The following DPF3 variants were observed in gnomAD, a reference collection of about 807,000 sequenced individuals.
The protein encoded by DPF3 is double PHD fingers 3, also known as zinc finger protein DPF3.
A neutral mutation model predicts 56.8 loss-of-function variants in DPF3; 18 were observed. The ratio of observed to expected loss-of-function variants is 0.32; its 90% CI spans 0.22 to 0.47. The LOEUF (loss-of-function observed/expected upper bound fraction) is 0.47, where lower values mean the gene tolerates loss of function less well. Among genes scored for constraint, DPF3 ranks in the 20% least tolerant of loss-of-function variants. DPF3 has a pLI of 1.00. For missense variants in DPF3, 403 were observed against 488.8 expected, an observed-to-expected ratio of 0.82 and a Z score of 1.65; for synonymous variants, 188 against 180.2, an observed-to-expected ratio of 1.04 and a Z score of -0.35.
At chr14:72,812,858 G>A (rs1883118256) in intron 1 of DPF3, among the ~76,000 whole-genome samples, 1 of 152,216 alleles carries the variant, frequency 6.6e-6, no homozygotes, top group Non-Finnish European at 1.5e-5. Flanking sequence ...AACGCCCAGA[G>A]GCTGGCGGGT....
At chr14:72,784,769 C>T (rs1196446111) in intron 1 of DPF3, among the ~76,000 whole-genome samples, 1 of 151,620 alleles carries the variant, frequency 6.6e-6, no homozygotes, top group East Asian at 1.9e-4. Flanking sequence ...GCACCCTGGC[C>T]AACTTGGTGA....
At chr14:72,848,366 T>C (rs113281764) in intron 1 of DPF3, among the ~76,000 whole-genome samples, 11,411 of 152,212 alleles carry the variant, frequency 0.075, 642 homozygotes, top group South Asian at 0.18. Flanking sequence ...GGTTTCACTA[T>C]GTTGCCCAGG....
At position 72,624,634 on chromosome 14, in the gene DPF3, C is replaced by T. The variant is rs942804528; in HGVS notation, c.985-4650G>A. Among the ~76,000 whole-genome samples, 8 of 152,206 alleles carry T rather than the reference C, an allele frequency of 5.3e-5. No homozygotes were observed. The East Asian group carries it at 9.6e-4, about 18-fold the overall frequency. On this transcript the variant is annotated intron_variant, in intron 9 of 10. Transcript: ENST00000556509. ...GATTACAGGCGTGAGCCACCACGCC[C>T]GGCCCCCAACCTATGTCTCTTTACC...
intron 3 of DPF3, among the ~76,000 whole-genome samples, chr14:72,735,972 C>T (rs576781940): frequency 2.0e-4 from 30 of 152,250 alleles, no homozygotes; most frequent in African/African-American, 7.0e-4. Context: ...AGATCATATA[C>T]GTAAAGAATC....
intron 3 of DPF3, among the ~76,000 whole-genome samples, chr14:72,732,901 T>C (rs1195293016): frequency 1.3e-5 from 2 of 151,832 alleles, no homozygotes; most frequent in Admixed American, 6.6e-5. Flanking sequence ...CTCTCCCTTC[T>C]TTCTTTCTCT....
rs1886649712 is a variant in DPF3 at position 72,671,033 on chromosome 14, A to T, written c.871+3207T>A. 3.3e-6 allele frequency: 5 copies of T among 1,497,188 alleles called. No homozygotes were observed. The South Asian group carries it at 5.3e-5, about 16-fold the overall frequency. The allele number at this position is 1,497,188 out of a possible 1,614,324, so 92.7% of individuals were successfully genotyped here. ...GGAAAAAAAGCAAGGATAGAGGGAA[A>T]ATCTAAAGTTGCCTTTCATTAAAAA... On this transcript the variant is annotated intron_variant, in intron 8 of 10. Coordinates refer to ENST00000556509, the MANE Select transcript of DPF3 (RefSeq NM_001280542.3).
intron 8 of DPF3, among the ~76,000 whole-genome samples, chr14:72,652,628 C>T (rs1450046578): frequency 6.6e-6 from 1 of 152,144 alleles, no homozygotes; most frequent in Non-Finnish European, 1.5e-5. Flanking sequence ...TGCAATAGCC[C>T]TAATATGGCC....
intron 1 of DPF3, among the ~76,000 whole-genome samples, chr14:72,850,852 C>T (rs1312116998): frequency 1.3e-5 from 2 of 152,128 alleles, no homozygotes; most frequent in Non-Finnish European, 2.9e-5. Flanking sequence ...CATGTGAACT[C>T]GCTCATGCAT....
At chr14:72,752,780 C>A (rs1373381058) in intron 3 of DPF3, among the ~76,000 whole-genome samples, 1 of 152,184 alleles carries the variant, frequency 6.6e-6, no homozygotes, top group African/African-American at 2.4e-5. Context: ...CATCCTCATC[C>A]AAGGTAAGTG....
Position 72,856,621 on chromosome 14 carries a change from A to C in DPF3, c.32+37436T>G, listed in dbSNP as rs566373295. Among the ~76,000 whole-genome samples the C allele has an allele frequency of 3.3e-5, 5 of 152,340 alleles. No individual in the cohort carries two copies. In the South Asian group the frequency reaches 1.0e-3, roughly 32 times the overall value. ...AATATTTTGAAAAGAGCACACATTT[A>C]ACCAGGGAAGAAGAGCCCATGCCCT... On this transcript the variant is annotated intron_variant, in intron 1 of 10. Coordinates refer to ENST00000556509, the MANE Select transcript of DPF3 (RefSeq NM_001280542.3).
chr14:72,878,884 A>G (rs1330882169), intron 1 of DPF3, among the ~76,000 whole-genome samples: 1 of 152,230 alleles, frequency 6.6e-6, no homozygotes, highest in Non-Finnish European at 1.5e-5. Flanking sequence ...CTGTTTCCCA[A>G]CTCCTGAAAC....
intron 1 of DPF3, among the ~76,000 whole-genome samples, chr14:72,792,442 A>C (rs1186317470): frequency 1.3e-5 from 2 of 152,226 alleles, no homozygotes; most frequent in African/African-American, 4.8e-5. Flanking sequence ...AAAGAAAAGA[A>C]AAGAAAAAGA....
chr14:72,741,710 C>T (rs563896867), intron 3 of DPF3, among the ~76,000 whole-genome samples: 2 of 152,366 alleles, frequency 1.3e-5, no homozygotes, highest in East Asian at 3.9e-4. Flanking sequence ...TGCCAAGCCT[C>T]ATGCTGGGTG....
At chr14:72,634,558 G>A (rs1885333806) in intron 8 of DPF3, among the ~76,000 whole-genome samples, 1 of 152,122 alleles carries the variant, frequency 6.6e-6, no homozygotes. Context: ...AGAGGCACAT[G>A]GCTATAAGGT....
chr14:72,679,832 C>T (rs1476270563), intron 7 of DPF3, among the ~76,000 whole-genome samples: 2 of 152,234 alleles, frequency 1.3e-5, no homozygotes, highest in East Asian at 3.9e-4. Context: ...AGCAGACAGG[C>T]AGCCCAGGCC....
chr14:72,685,024 G>A (rs1887347226), intron 7 of DPF3, among the ~76,000 whole-genome samples: 1 of 152,196 alleles, frequency 6.6e-6, no homozygotes, highest in African/African-American at 2.4e-5. Context: ...ACCACACTCT[G>A]ACCCTACCAG....
In DPF3 at chr14:72,771,737, G is replaced by A. The variant is rs745709641; in HGVS notation, c.189C>T (p.Gly63=). The A allele has an allele frequency of 2.5e-6, 4 of 1,611,770 alleles. No individual in the cohort carries two copies. Among genetic ancestry groups the A allele is most frequent in the Middle Eastern group, 1.7e-4 (1 of 5,808 alleles). Residue 63 remains glycine (G), a synonymous_variant, in exon 2 of 11, where the codon GGC becomes GGT. Coordinates refer to ENST00000556509, the MANE Select transcript of DPF3 (RefSeq NM_001280542.3). ...CCCAGGAGTGGCGCAGCTCACCTGG[G>A]CCTCGGTGCCTCTTCTCCATCCAGA... ...CYIWMEKRHR[G]PGLAPGQLYT... is the part of the protein sequence containing the mutation.
chr14:72,793,369 C>T (rs1320130128), intron 1 of DPF3, among the ~76,000 whole-genome samples: 1 of 152,156 alleles, frequency 6.6e-6, no homozygotes, highest in Non-Finnish European at 1.5e-5. Flanking sequence ...CTTCATTGTA[C>T]AGCATGAGGC....
At chr14:72,629,857 GA>G (rs929976296) in intron 8 of DPF3, 121 bp from the exon 9 acceptor site, 14 of 789,050 alleles carry the variant, frequency 1.8e-5, no homozygotes, top group Middle Eastern at 2.9e-4. Flanking sequence ...ATGACGTAGG[GA>G]AAAAAATGGG....
Sources: allele counts gnomAD v4.1 joint callset (sites outside exome capture counted in the v4.1 genomes callset), GRCh38; gene constraint gnomAD v4.1.1; transcripts MANE v1.5; gene names NCBI Gene and HGNC (gene_info 2026-07-23, HGNC 2026-07-21).